TENM2: variants seen among roughly 807,000 people sequenced by gnomAD.
TENM2 encodes teneurin transmembrane protein 2, also known as teneurin-2.
In TENM2, 52 loss-of-function variants were observed where a neutral mutation model predicts 245.2. That is an observed-to-expected ratio of 0.21 (90% CI 0.17 to 0.27). The LOEUF is 0.27. Ranked by LOEUF, TENM2 falls within the 10% of genes least tolerant of loss-of-function variation. The pLI is 1.00. For synonymous variants in TENM2, 1,363 were observed against 1,438.9 expected, an observed-to-expected ratio of 0.95 and a Z score of 1.19; for missense variants, 3,046 against 3,666.8, an observed-to-expected ratio of 0.83 and a Z score of 4.37.
chr5:167,353,619 T>G (rs1003055143), intron 1 of TENM2, among the ~76,000 whole-genome samples: 1 of 142,454 alleles, frequency 7.0e-6, no homozygotes, highest in Non-Finnish European at 1.5e-5. Flanking sequence ...GCCATTCTCC[T>G]GCCTCAGCCT....
At chr5:167,650,360 G>A (rs1754370994) in intron 2 of TENM2, among the ~76,000 whole-genome samples, 1 of 152,202 alleles carries the variant, frequency 6.6e-6, no homozygotes, top group Non-Finnish European at 1.5e-5. Flanking sequence ...AAAGGCTAAA[G>A]GAGAGGTAAT....
the TENM2 span, among the ~76,000 whole-genome samples, chr5:167,181,415 ATTC>A: frequency 1.4e-5 from 2 of 144,548 alleles, no homozygotes; most frequent in African/African-American, 5.2e-5. Context: ...ACATTTCAAA[ATTC>A]TTCTTTTCTC....
At chr5:167,178,680 A>C in the TENM2 span, among the ~76,000 whole-genome samples, 2 of 152,178 alleles carry the variant, frequency 1.3e-5, no homozygotes, top group South Asian at 4.1e-4. Context: ...GAACTTAAAA[A>C]AAAAATGGAT....
chr5:167,149,607 T>C, the TENM2 span, among the ~76,000 whole-genome samples: 2 of 152,120 alleles, frequency 1.3e-5, no homozygotes, highest in Non-Finnish European at 2.9e-5. Flanking sequence ...ACATGGCCTC[T>C]CCGTGCCATA....
At chr5:167,989,877 A>T (rs1340952537) in intron 4 of TENM2, among the ~76,000 whole-genome samples, 1 of 152,158 alleles carries the variant, frequency 6.6e-6, no homozygotes, top group East Asian at 1.9e-4. Flanking sequence ...ACAGCTGTGA[A>T]ATGTAGAAGA....
the TENM2 span, among the ~76,000 whole-genome samples, chr5:167,149,478 A>G: frequency 6.6e-6 from 1 of 152,172 alleles, no homozygotes; most frequent in South Asian, 2.1e-4. Flanking sequence ...AGATACACAG[A>G]GTATAGACCG....
chr5:167,785,280 C>T (rs1363005520), intron 2 of TENM2, among the ~76,000 whole-genome samples: 1 of 152,052 alleles, frequency 6.6e-6, no homozygotes, highest in African/African-American at 2.4e-5. Context: ...TCCCTTTTTC[C>T]TCAGTGCCAC....
At chr5:167,204,641 G>A in the TENM2 span, among the ~76,000 whole-genome samples, 2 of 152,198 alleles carry the variant, frequency 1.3e-5, no homozygotes, top group African/African-American at 4.8e-5. Flanking sequence ...GCCAGGGGCA[G>A]GGAAATCTTA....
At chr5:167,462,866 C>T (rs759117515) in intron 2 of TENM2, among the ~76,000 whole-genome samples, 4 of 151,924 alleles carry the variant, frequency 2.6e-5, no homozygotes, top group Admixed American at 6.6e-5. Context: ...GAGGGTGGAG[C>T]GTTTGCTGGA....
chr5:167,052,822 T>TA, the TENM2 span, among the ~76,000 whole-genome samples: 320 of 152,254 alleles, frequency 2.1e-3, 4 homozygotes, highest in East Asian at 0.037. Flanking sequence ...AAATAGTTTT[T>TA]ATCACCTCTT....
the TENM2 span, among the ~76,000 whole-genome samples, chr5:167,088,850 C>T: frequency 6.6e-6 from 1 of 152,074 alleles, no homozygotes. Flanking sequence ...AGTTTACCAT[C>T]GATAAAAGTG....
chr5:167,128,746 T>A, the TENM2 span, among the ~76,000 whole-genome samples: 1 of 152,148 alleles, frequency 6.6e-6, no homozygotes, highest in Non-Finnish European at 1.5e-5. Context: ...TTGTAATTGT[T>A]CCGTTTGCTT....
the TENM2 span, among the ~76,000 whole-genome samples, chr5:167,134,744 C>T: frequency 6.6e-6 from 1 of 152,158 alleles, no homozygotes; most frequent in African/African-American, 2.4e-5. Context: ...ACCAGTTTGG[C>T]TGAAGAAAGT....
At chr5:168,049,734 G>T (rs1187305331) in intron 6 of TENM2, among the ~76,000 whole-genome samples, 2 of 152,194 alleles carry the variant, frequency 1.3e-5, no homozygotes, top group East Asian at 3.9e-4. Context: ...TGTTGTAGAA[G>T]TCATATAACA....
chr5:167,605,168 C>T (rs934150843), intron 2 of TENM2, among the ~76,000 whole-genome samples: 1 of 152,024 alleles, frequency 6.6e-6, no homozygotes, highest in Non-Finnish European at 1.5e-5. Context: ...GACTGCAGGC[C>T]ATGGGGAGTC....
chr5:167,028,406 C>T, the TENM2 span, among the ~76,000 whole-genome samples: 1 of 152,024 alleles, frequency 6.6e-6, no homozygotes, highest in Non-Finnish European at 1.5e-5. Flanking sequence ...TATTTTGACA[C>T]ATATTTACAG....
At chr5:167,963,300 G>T (rs933726313) in intron 4 of TENM2, among the ~76,000 whole-genome samples, 2 of 152,100 alleles carry the variant, frequency 1.3e-5, no homozygotes, top group Non-Finnish European at 2.9e-5. Flanking sequence ...ATAGATAATT[G>T]AATGAATTCC....
chr5:166,989,739 A>AGG, the TENM2 span, among the ~76,000 whole-genome samples: 1 of 151,330 alleles, frequency 6.6e-6, no homozygotes, highest in African/African-American at 2.4e-5. Flanking sequence ...AGAATAACCC[A>AGG]AAGGGATCTT....
intron 2 of TENM2, among the ~76,000 whole-genome samples, chr5:167,448,577 T>A (rs1034232806): frequency 6.6e-6 from 1 of 150,446 alleles, no homozygotes; most frequent in African/African-American, 2.5e-5. Flanking sequence ...TTAGTTCAGC[T>A]TTTTGTTAGA....
Sources: gnomAD v4.1 joint callset for allele counts (sites outside exome capture counted in the v4.1 genomes callset) on GRCh38, gnomAD v4.1.1 for gene constraint, MANE v1.5 for transcripts, NCBI Gene and HGNC (gene_info 2026-07-23, HGNC 2026-07-21) for gene names.